The following KCNS2 variants were observed in gnomAD, a reference collection of about 807,000 sequenced individuals.
The protein encoded by KCNS2 is delayed-rectifier potassium channel regulatory subunit KCNS2.
KCNS2 carries 15 observed loss-of-function variants against 28.3 expected under a neutral mutation model. The observed-to-expected ratio is 0.53, with a 90% CI of 0.35 to 0.82. The LOEUF (loss-of-function observed/expected upper bound fraction) is 0.82. Ranked by LOEUF, KCNS2 falls within the 40% of genes least tolerant of loss-of-function variation. The pLI is 0.01. For synonymous variants in KCNS2, 254 were observed against 256.7 expected (o/e 0.99, Z 0.10); for missense variants, 501 against 617.1 (o/e 0.81, Z 1.99).
At chr8:98,427,769 C>A (rs550383150) in intron 1 of KCNS2, 169 bp from the exon 2 acceptor site, 14 of 547,720 alleles carry the variant, frequency 2.6e-5, no homozygotes, top group Non-Finnish European at 4.2e-5. Context: ...AACATACCCA[C>A]CCCCAGCCTT....
chr8:98,428,796 A>G lies in KCNS2; in HGVS notation c.817A>G (p.Ile273Val), dbSNP rs757047371. Reference protein sequence around the residue: ...IDLMSIVPFYITLVVNLVVES... With the variant: ...IDLMSIVPFYVTLVVNLVVES... ...CCTCATGTCCATCGTCCCCTTTTAC[A>G]TCACTCTGGTGGTGAACCTGGTGGT... Residue 273 changes from isoleucine (I) to valine (V), a missense_variant, in exon 2 of 2, where the codon ATC (isoleucine) becomes GTC (valine). Coordinates refer to ENST00000287042, the MANE Select transcript of KCNS2 (RefSeq NM_020697.4). This position sits in a 1 kb window ranked among gnomAD's most constrained non-coding sequence, Gnocchi z 6.7. 1.5e-5 allele frequency: 25 copies of G among 1,613,980 alleles called. No homozygotes were observed. The East Asian group carries it at 3.3e-4, about 22-fold the overall frequency.
rs1351275452 is a variant in KCNS2 at position 98,428,850 on chromosome 8, G to A, written c.871G>A (p.Gly291Ser). The A allele has an allele frequency of 5.0e-6, 8 of 1,614,008 alleles. No individual in the cohort carries two copies. Among genetic ancestry groups the A allele is most frequent in the Non-Finnish European group, 6.8e-6 (8 of 1,180,038 alleles). ...VESTPTLANL[G>S]RVAQVLRLMR... ...GAGCACACCTACTTTAGCCAACTTG[G>A]GCAGGGTGGCCCAGGTCCTGAGGCT... is the stretch of plus-strand genomic sequence containing the variant. The change falls in exon 2 of 2, where the codon GGC (glycine) becomes AGC (serine). Residue 291 changes from glycine to serine, a missense_variant. Physicochemically the swap from Gly to Ser is moderately conservative, Grantham distance 56. Transcript: ENST00000287042. The surrounding 1 kb of genome is among the most constrained non-coding windows in gnomAD (Gnocchi z 6.7).
At position 98,428,179 on chromosome 8, in the gene KCNS2, G is replaced by A. The variant is rs1818269812; in HGVS notation, c.200G>A (p.Arg67Gln). Residue 67 changes from arginine to glutamine, a missense_variant, in exon 2 of 2, where the codon CGG becomes CAG. Physicochemically the swap from Arg to Gln is conservative, Grantham distance 43. Coordinates refer to ENST00000287042, the MANE Select transcript of KCNS2 (RefSeq NM_020697.4). The surrounding 1 kb of genome is among the most constrained non-coding windows in gnomAD (Gnocchi z 6.7). Reference sequence around the variant, plus strand: ...TGCGATGACTACGACGACGTCCAGCGGGAGTTCTACTTCGACCGCAACCCT... The same window carrying A: ...TGCGATGACTACGACGACGTCCAGCAGGAGTTCTACTTCGACCGCAACCCT... The part of the protein sequence containing the change: ...ELCDDYDDVQ[R>Q]EFYFDRNPEL... 1 of 1,614,078 alleles carries A rather than the reference G, an allele frequency of 6.2e-7. No homozygotes were observed. The highest frequency in any genetic ancestry group is 8.5e-7 in the Non-Finnish European group (1 of 1,180,016).
chr8:98,430,477 C>T lies in KCNS2; in HGVS notation c.*1064C>T, dbSNP rs1347994981. 1 of 167,072 alleles carries T rather than the reference C, an allele frequency of 6.0e-6. No individual in the cohort carries two copies. The highest frequency in any genetic ancestry group is 1.5e-5 in the Non-Finnish European group (1 of 68,116). The allele number at this position is 167,072 out of a possible 1,614,324, so 10.3% of individuals were successfully genotyped here. A position where few individuals can be genotyped will look rare whatever the true frequency, so the allele number is the denominator to read the frequency against. ...GCTAGCAAGGGCAGTAGCTTAAATA[C>T]TTTTGTTGCCTACTCTGAAAGCTCA... On this transcript the variant is annotated 3_prime_UTR_variant, in exon 2 of 2. Transcript: ENST00000287042.
rs768234102 is a variant in KCNS2, at chr8:98,428,816, G to C, written c.837G>C (p.Leu279=). The part of the protein sequence containing the change: ...VPFYITLVVN[L]VVESTPTLAN... ...TTTACATCACTCTGGTGGTGAACCT[G>C]GTGGTGGAGAGCACACCTACTTTAG... The change falls in exon 2 of 2, where the codon CTG becomes CTC. Residue 279 remains leucine (L), a synonymous_variant. Coordinates refer to ENST00000287042, the MANE Select transcript of KCNS2 (RefSeq NM_020697.4). The surrounding 1 kb of genome is among the most constrained non-coding windows in gnomAD (Gnocchi z 6.7). 1.9e-5 allele frequency: 31 copies of C among 1,614,080 alleles called. No individual in the cohort carries two copies. Among genetic ancestry groups the C allele is most frequent in the Non-Finnish European group, 2.5e-5 (29 of 1,180,052 alleles).
In KCNS2 at chr8:98,428,894, C is replaced by A. The variant is rs771492184; in HGVS notation, c.915C>A (p.Ile305=). The change falls in exon 2 of 2, where the codon ATC becomes ATA. Residue 305 remains isoleucine, a synonymous_variant. Transcript: ENST00000287042. The surrounding 1 kb of genome is among the most constrained non-coding windows in gnomAD (Gnocchi z 6.7). ...TGAGGCTGATGCGGATCTTCCGCAT[C>A]TTAAAGCTGGCCAGGCACTCCACTG... ...QVLRLMRIFR[I]LKLARHSTGL... is the part of the protein sequence containing the mutation. 1 of 1,614,192 alleles carries A rather than the reference C, an allele frequency of 6.2e-7. No homozygotes were observed. Among genetic ancestry groups the A allele is most frequent in the Non-Finnish European group, 8.5e-7 (1 of 1,180,040 alleles).
In KCNS2 at chr8:98,429,169, C is replaced by A; in HGVS notation, c.1190C>A (p.Ala397Glu). The A allele has an allele frequency of 1.2e-6, 2 of 1,613,622 alleles. No individual in the cohort carries two copies. The highest frequency in any genetic ancestry group is 1.7e-6 in the Non-Finnish European group (2 of 1,179,692). ...GKLTASACILAGILVVVLPIT... is the reference protein window; with the variant it reads ...GKLTASACILEGILVVVLPIT... ...CTGACTGCCTCTGCCTGCATCTTGG[C>A]AGGCATCCTCGTGGTGGTCCTGCCC... is the stretch of plus-strand genomic sequence containing the variant. Residue 397 changes from alanine to glutamate, a missense_variant, in exon 2 of 2, where the codon GCA becomes GAA. Ala to Glu is a moderately radical substitution (Grantham distance 107, BLOSUM62 -1). Coordinates refer to ENST00000287042, the MANE Select transcript of KCNS2 (RefSeq NM_020697.4).
chr8:98,430,985 A>T lies in KCNS2; in HGVS notation c.*1572A>T, dbSNP rs892697167. The T allele has an allele frequency of 3.0e-5, 5 of 167,036 alleles. No individual in the cohort carries two copies. In the South Asian group the frequency reaches 8.3e-4, roughly 28 times the overall value. 10.3% of individuals were successfully genotyped at this position (167,036 alleles called of 1,614,324 possible). On this transcript the variant is annotated 3_prime_UTR_variant, in exon 2 of 2. Coordinates refer to ENST00000287042, the MANE Select transcript of KCNS2 (RefSeq NM_020697.4). ...CTCTATAAGATAATTCTTCTCCATCATCTTTAAGGTAATCTGATGGTTTTC... is the reference window on the plus strand; with the variant it reads ...CTCTATAAGATAATTCTTCTCCATCTTCTTTAAGGTAATCTGATGGTTTTC...
rs1445675122 is a variant in KCNS2 at position 98,428,594 on chromosome 8, C to T, written c.615C>T (p.Cys205=). 3 of 1,614,014 alleles carry T rather than the reference C, an allele frequency of 1.9e-6. No individual in the cohort carries two copies. Among genetic ancestry groups the T allele is most frequent in the Non-Finnish European group, 2.5e-6 (3 of 1,180,042 alleles). ...LVVMGSIITM[C]LNSLPDFQIP... Reference sequence around the variant, plus strand: ...TGATGGGGTCCATCATCACCATGTGCCTCAATAGCCTGCCCGATTTCCAAA... The same window carrying T: ...TGATGGGGTCCATCATCACCATGTGTCTCAATAGCCTGCCCGATTTCCAAA... The change falls in exon 2 of 2, where the codon TGC becomes TGT. Residue 205 remains cysteine (C), a synonymous_variant. Transcript: ENST00000287042. The surrounding 1 kb of genome is among the most constrained non-coding windows in gnomAD (Gnocchi z 6.7).
rs1162062725 is a variant in KCNS2 at position 98,430,955 on chromosome 8, G to A, written c.*1542G>A. 1.2e-5 allele frequency: 2 copies of A among 167,036 alleles called. No individual in the cohort carries two copies. The highest frequency in any genetic ancestry group is 4.8e-5 in the African/African-American group (2 of 41,412). The allele number at this position is 167,036 out of a possible 1,614,324, so 10.3% of individuals were successfully genotyped here. A position where few individuals can be genotyped will look rare whatever the true frequency, so the allele number is the denominator to read the frequency against. On this transcript the variant is annotated 3_prime_UTR_variant, in exon 2 of 2. Transcript: ENST00000287042. ...ACATAACATTGTGATGGGGAACCTG[G>A]GTTCCTCTATAAGATAATTCTTCTC... is the stretch of plus-strand genomic sequence containing the variant.
chr8:98,428,740 A>C lies in KCNS2; in HGVS notation c.761A>C (p.Lys254Thr). The change falls in exon 2 of 2, where the codon AAG (lysine) becomes ACG (threonine). Residue 254 changes from lysine (K) to threonine (T), a missense_variant. Physicochemically the swap from Lys to Thr is moderately conservative, Grantham distance 78 (BLOSUM62 -1). Coordinates refer to ENST00000287042, the MANE Select transcript of KCNS2 (RefSeq NM_020697.4). The surrounding 1 kb of genome is among the most constrained non-coding windows in gnomAD (Gnocchi z 6.7). ...ARFAVAPDFLKFFKNALNLID... is the reference protein window; with the variant it reads ...ARFAVAPDFLTFFKNALNLID... ...TTTGCTGTGGCCCCTGACTTCCTCAAGTTCTTCAAGAATGCCCTAAACCTT... is the reference window on the plus strand; with the variant it reads ...TTTGCTGTGGCCCCTGACTTCCTCACGTTCTTCAAGAATGCCCTAAACCTT... 2.5e-6 allele frequency: 4 copies of C among 1,614,196 alleles called. No individual in the cohort carries two copies. Among genetic ancestry groups the C allele is most frequent in the Non-Finnish European group, 3.4e-6 (4 of 1,180,040 alleles).
chr8:98,428,178 C>T lies in KCNS2; in HGVS notation c.199C>T (p.Arg67Trp). The change falls in exon 2 of 2, where the codon CGG becomes TGG. Residue 67 changes from arginine (R) to tryptophan (W), a missense_variant. By Grantham distance (101) the Arg-to-Trp change is moderately radical. Transcript: ENST00000287042. This position sits in a 1 kb window ranked among gnomAD's most constrained non-coding sequence, Gnocchi z 6.7. ...CTGCGATGACTACGACGACGTCCAG[C>T]GGGAGTTCTACTTCGACCGCAACCC... ...ELCDDYDDVQ[R>W]EFYFDRNPEL... is the part of the protein sequence containing the mutation. 1 of 1,614,106 alleles carries T rather than the reference C, an allele frequency of 6.2e-7. No individual in the cohort carries two copies. Among genetic ancestry groups the T allele is most frequent in the Non-Finnish European group, 8.5e-7 (1 of 1,180,028 alleles).
rs1818278289 is a variant in KCNS2, at chr8:98,428,473, C to T, written c.494C>T (p.Pro165Leu). The T allele has an allele frequency of 1.2e-6, 2 of 1,614,124 alleles. No homozygotes were observed. Among genetic ancestry groups the T allele is most frequent in the Non-Finnish European group, 1.7e-6 (2 of 1,180,030 alleles). Residue 165 changes from proline (P) to leucine (L), a missense_variant, in exon 2 of 2, where the codon CCC becomes CTC. Pro to Leu is a moderately conservative substitution (Grantham distance 98, BLOSUM62 -3). Coordinates refer to ENST00000287042, the MANE Select transcript of KCNS2 (RefSeq NM_020697.4). This position sits in a 1 kb window ranked among gnomAD's most constrained non-coding sequence, Gnocchi z 6.7. ...GACGCCTCCAAGTTCGATGGGCAGCCCCTCGGCAACTTCCGCAGGCAGCTG... is the reference window on the plus strand; with the variant it reads ...GACGCCTCCAAGTTCGATGGGCAGCTCCTCGGCAACTTCCGCAGGCAGCTG... ...YNDASKFDGQ[P>L]LGNFRRQLWL...
intron 1 of KCNS2, chr8:98,427,721 G>T (rs956203550): frequency 5.8e-6 from 2 of 343,340 alleles, no homozygotes; most frequent in African/African-American, 2.1e-5. Flanking sequence ...CGCGCAAAGC[G>T]CCCACCGAGA....
rs1818315341 is a variant in KCNS2 at position 98,430,789 on chromosome 8, T to A, written c.*1376T>A. ...GAGTTGTAAAATAAAAAACTGCTAG[T>A]TCATAAAATGTCATAAAAAATTGTA... On this transcript the variant is annotated 3_prime_UTR_variant, in exon 2 of 2. Coordinates refer to ENST00000287042, the MANE Select transcript of KCNS2 (RefSeq NM_020697.4). The A allele has an allele frequency of 6.0e-6, 1 of 167,116 alleles. No homozygotes were observed. The allele number at this position is 167,116 out of a possible 1,614,324, so 10.4% of individuals were successfully genotyped here.
In KCNS2 at chr8:98,428,405, G is replaced by GAGC; in HGVS notation, c.428_430dup (p.Ser143dup). On this transcript the variant is annotated inframe_insertion, in exon 2 of 2. Coordinates refer to ENST00000287042, the MANE Select transcript of KCNS2 (RefSeq NM_020697.4). This position sits in a 1 kb window ranked among gnomAD's most constrained non-coding sequence, Gnocchi z 6.7. ...AGTGGGACGAGCAGAGTGACCAGGA[G>GAGC]AGCACCACGTCTTCCTTCGATGAGA... The GAGC allele has an allele frequency of 6.2e-7, 1 of 1,614,180 alleles. No individual in the cohort carries two copies. The highest frequency in any genetic ancestry group is 8.5e-7 in the Non-Finnish European group (1 of 1,180,046).
Position 98,428,451 on chromosome 8 carries a change from G to T in KCNS2, c.472G>T (p.Ala158Ser), listed in dbSNP as rs1488567981. ...TGAGATCCTTGCCTTCTACAACGACGCCTCCAAGTTCGATGGGCAGCCCCT... is the reference window on the plus strand; with the variant it reads ...TGAGATCCTTGCCTTCTACAACGACTCCTCCAAGTTCGATGGGCAGCCCCT... ...FDEILAFYND[A>S]SKFDGQPLGN... Residue 158 changes from alanine to serine, a missense_variant, in exon 2 of 2, where the codon GCC becomes TCC. Ala to Ser is a moderately conservative substitution (Grantham distance 99). Coordinates refer to ENST00000287042, the MANE Select transcript of KCNS2 (RefSeq NM_020697.4). The surrounding 1 kb of genome is among the most constrained non-coding windows in gnomAD (Gnocchi z 6.7). 1.2e-6 allele frequency: 2 copies of T among 1,614,076 alleles called. No individual in the cohort carries two copies. Among genetic ancestry groups the T allele is most frequent in the South Asian group, 2.2e-5 (2 of 91,078 alleles).
Position 98,428,996 on chromosome 8 carries a change from G to T in KCNS2, c.1017G>T (p.Gly339=). ...TGCTCTTGCTCTACCTCTCCGTGGG[G>T]ATTTCCATCTTCTCCGTGGTGGCCT... ...VGLLLLYLSV[G]ISIFSVVAYT... Residue 339 remains glycine (G), a synonymous_variant, in exon 2 of 2, where the codon GGG becomes GGT. Coordinates refer to ENST00000287042, the MANE Select transcript of KCNS2 (RefSeq NM_020697.4). The surrounding 1 kb of genome is among the most constrained non-coding windows in gnomAD (Gnocchi z 6.7). 6.2e-7 allele frequency: 1 copy of T among 1,614,142 alleles called. No homozygotes were observed.
Position 98,428,587 on chromosome 8 carries a change from C to A in KCNS2, c.608C>A (p.Thr203Asn). ...SILVVMGSII[T>N]MCLNSLPDFQ... ...CTGGTGGTGATGGGGTCCATCATCACCATGTGCCTCAATAGCCTGCCCGAT... is the reference window on the plus strand; with the variant it reads ...CTGGTGGTGATGGGGTCCATCATCAACATGTGCCTCAATAGCCTGCCCGAT... The change falls in exon 2 of 2, where the codon ACC becomes AAC. Residue 203 changes from threonine (T) to asparagine (N), a missense_variant. Thr to Asn is a moderately conservative substitution (Grantham distance 65, BLOSUM62 0). Transcript: ENST00000287042. This position sits in a 1 kb window ranked among gnomAD's most constrained non-coding sequence, Gnocchi z 6.7. The A allele has an allele frequency of 6.2e-6, 10 of 1,614,152 alleles. No homozygotes were observed. The highest frequency in any genetic ancestry group is 8.5e-6 in the Non-Finnish European group (10 of 1,180,034).
Sources: gnomAD v4.1 joint callset for allele counts on GRCh38, gnomAD v4.1.1 for gene constraint, Gnocchi (gnomAD v3.1) non-coding constraint, MANE v1.5 for transcripts, NCBI Gene and HGNC (gene_info 2026-07-23, HGNC 2026-07-21) for gene names.